The following LPIN1 variants were observed in gnomAD, a reference collection of about 807,000 sequenced individuals.
The protein encoded by LPIN1 is lipin 1, also known as phosphatidate phosphatase LPIN1.
A neutral mutation model predicts 107.5 loss-of-function variants in LPIN1; 71 were observed. That is an observed-to-expected ratio of 0.66 (90% CI 0.55 to 0.80). LPIN1 has a LOEUF of 0.80. Ranked by LOEUF, LPIN1 falls within the 30% of genes least tolerant of loss-of-function variation. LPIN1 has a pLI of 0.00. For synonymous variants in LPIN1, 445 were observed against 452.6 expected (o/e 0.98, Z 0.21); for missense variants, 1,043 against 1,160.6 (o/e 0.90, Z 1.47).
upstream of LPIN1, among the ~76,000 whole-genome samples, chr2:11,719,428 C>G (rs1018431375): frequency 6.6e-6 from 1 of 152,182 alleles, no homozygotes; most frequent in Non-Finnish European, 1.5e-5. Context: ...CAGATGGGCC[C>G]CTCCCTCACT....
intron 1 of LPIN1, among the ~76,000 whole-genome samples, chr2:11,698,862 C>T (rs1485203100): frequency 6.6e-6 from 1 of 152,220 alleles, no homozygotes; most frequent in Non-Finnish European, 1.5e-5. Context: ...CTTGGGCCCA[C>T]TGCCTGAGCT....
chr2:11,737,031 G>T (rs1572477217), intron 1 of LPIN1, among the ~76,000 whole-genome samples: 1 of 152,242 alleles, frequency 6.6e-6, no homozygotes, highest in African/African-American at 2.4e-5. Context: ...TTATAGGGAA[G>T]TGGACCAGGA....
At position 11,765,022 on chromosome 2, in the gene LPIN1, G is replaced by A. The variant is rs961867278; in HGVS notation, c.-9-511G>A. Among the ~76,000 whole-genome samples, 1 of 152,214 alleles carries A rather than the reference G, an allele frequency of 6.6e-6. No homozygotes were observed. The highest frequency in any genetic ancestry group is 1.5e-5 in the Non-Finnish European group (1 of 68,036). On this transcript the variant is annotated intron_variant, in intron 1 of 20. Transcript: ENST00000674199. This position sits in a 1 kb window ranked among gnomAD's most constrained non-coding sequence, Gnocchi z 4.4. Reference sequence around the variant, plus strand: ...GCTGTGGGAGTTGGGGTGATAGGCCGTGATGGGCCATGATGGGCTGTGATG... The same window carrying A: ...GCTGTGGGAGTTGGGGTGATAGGCCATGATGGGCCATGATGGGCTGTGATG...
At chr2:11,762,028 A>G (rs1453524409) in intron 1 of LPIN1, among the ~76,000 whole-genome samples, 1 of 151,570 alleles carries the variant, frequency 6.6e-6, no homozygotes, top group African/African-American at 2.4e-5. Context: ...GCTGTCCCTC[A>G]CTTCAGATGC....
chr2:11,808,409 CT>C (rs140382245), intron 17 of LPIN1, among the ~76,000 whole-genome samples: 1 of 152,300 alleles, frequency 6.6e-6, no homozygotes, highest in East Asian at 1.9e-4. Context: ...TCCCATCATA[CT>C]TTTGAATCTG....
At chr2:11,686,993 CT>C (rs141927239) in intron 1 of LPIN1, among the ~76,000 whole-genome samples, 293 of 85,134 alleles carry the variant, frequency 3.4e-3, no homozygotes, top group Admixed American at 5.7e-3. Flanking sequence ...GCTTTTGATC[CT>C]TTTTTTTTTT....
At chr2:11,702,517 G>A (rs1483283664) in intron 1 of LPIN1, among the ~76,000 whole-genome samples, 1 of 152,194 alleles carries the variant, frequency 6.6e-6, no homozygotes, top group African/African-American at 2.4e-5. Flanking sequence ...ATCAAAATAC[G>A]GGAGGTAAAA....
chr2:11,783,782 C>A, intron 8 of LPIN1, 47 bp from the exon 9 acceptor site: 1 of 1,476,100 alleles, frequency 6.8e-7, no homozygotes, highest in Non-Finnish European at 9.5e-7. Flanking sequence ...GCCATGAGCT[C>A]ATTTCTAGAA....
At position 11,786,845 on chromosome 2, in the gene LPIN1, G is replaced by A. The variant is rs559122982; in HGVS notation, c.1550-229G>A. On this transcript the variant is annotated intron_variant, in intron 10 of 20. Transcript: ENST00000674199. The surrounding 1 kb of genome is among the most constrained non-coding windows in gnomAD (Gnocchi z 4.1). Reference sequence around the variant, plus strand: ...CGTATGTGCCTCAACTAAGGTACACGTCCCCCAACATCCTCAGCCTTGCCC... The same window carrying A: ...CGTATGTGCCTCAACTAAGGTACACATCCCCCAACATCCTCAGCCTTGCCC... Among the ~76,000 whole-genome samples the A allele has an allele frequency of 3.9e-5, 6 of 152,326 alleles. No homozygotes were observed. In the South Asian group the frequency reaches 1.2e-3, roughly 32 times the overall value.
At chr2:11,795,564 G>A (rs1443929678) in intron 14 of LPIN1, 77 bp downstream of exon 14, 31 of 1,296,370 alleles carry the variant, frequency 2.4e-5, no homozygotes. Flanking sequence ...CCTGGATGCA[G>A]ATAGGGTTCA....
At position 11,771,673 on chromosome 2, in the gene LPIN1, G is replaced by A. The variant is rs1337824674; in HGVS notation, c.590G>A (p.Ser197Asn). 1.3e-6 allele frequency: 2 copies of A among 1,588,434 alleles called. No homozygotes were observed. Among genetic ancestry groups the A allele is most frequent in the East Asian group, 4.5e-5 (2 of 44,196 alleles). Residue 197 changes from serine to asparagine, a missense_variant, in exon 4 of 21, where the codon AGC (serine) becomes AAC (asparagine). By Grantham distance (46) the Ser-to-Asn change is conservative. Transcript: ENST00000674199. This position sits in a 1 kb window ranked among gnomAD's most constrained non-coding sequence, Gnocchi z 4.8. ...GATGAGGCCATGGAGCTGCTGGAGA[G>A]CAGCAGGTAATAACTGTCCAGGGTG... ...SSDEAMELLE[S>N]SRTLPNDIPP...
chr2:11,774,979 AAAG>A lies in LPIN1; in HGVS notation c.723-1105_723-1103del, dbSNP rs1672434987. On this transcript the variant is annotated intron_variant, in intron 5 of 20. Transcript: ENST00000674199. The surrounding 1 kb of genome is among the most constrained non-coding windows in gnomAD (Gnocchi z 4.4). ...TTTTTAAAAAGTAAAAAAAAAAAAA[AAAG>A]ATGAAATTAATTTTAAAGCTATATT... Among the ~76,000 whole-genome samples the A allele has an allele frequency of 1.3e-5, 2 of 152,306 alleles. No homozygotes were observed. The highest frequency in any genetic ancestry group is 2.4e-5 in the African/African-American group (1 of 41,558).
chr2:11,761,399 A>G (rs1317663944), intron 1 of LPIN1, among the ~76,000 whole-genome samples: 1 of 152,192 alleles, frequency 6.6e-6, no homozygotes, highest in Non-Finnish European at 1.5e-5. Flanking sequence ...AGGACAGATC[A>G]AGGGGGAGCT....
chr2:11,803,003 G>A lies in LPIN1; in HGVS notation c.1983G>A (p.Lys661=), dbSNP rs1182555127. Residue 661 remains lysine (K), a synonymous_variant, in exon 15 of 21, where the codon AAG becomes AAA. Coordinates refer to ENST00000674199, the MANE Select transcript of LPIN1 (RefSeq NM_001349206.2). The surrounding 1 kb of genome is among the most constrained non-coding windows in gnomAD (Gnocchi z 4.2). ...CTCTTCTGCCTAATGTCAGCTACAA[G>A]AAGACTCTCCGGCTGACTTCCGAGC... ...HLPLLPNVSY[K]KTLRLTSEQL... The A allele has an allele frequency of 1.9e-6, 3 of 1,612,930 alleles. No individual in the cohort carries two copies. The highest frequency in any genetic ancestry group is 2.5e-6 in the Non-Finnish European group (3 of 1,180,036).
intron 1 of LPIN1, among the ~76,000 whole-genome samples, chr2:11,732,879 TTC>T (rs1230955135): frequency 4.0e-5 from 6 of 149,450 alleles, no homozygotes; most frequent in Non-Finnish European, 7.4e-5. Flanking sequence ...AAGTGTCCAT[TTC>T]TCTCTCTCTC....
At chr2:11,715,935 C>A (rs1663711393) in intron 2 of LPIN1, among the ~76,000 whole-genome samples, 2 of 152,148 alleles carry the variant, frequency 1.3e-5, no homozygotes, top group South Asian at 4.1e-4. Flanking sequence ...CCCAAGCAGG[C>A]AATGTCCCCT....
chr2:11,692,290 A>T (rs565413837), intron 1 of LPIN1, among the ~76,000 whole-genome samples: 19,159 of 151,334 alleles, frequency 0.13, 3,543 homozygotes, highest in African/African-American at 0.41. Flanking sequence ...TTGCCTTGGC[A>T]CATACTTGGC....
At chr2:11,747,455 C>T (rs1343221010) in intron 1 of LPIN1, among the ~76,000 whole-genome samples, 5 of 152,206 alleles carry the variant, frequency 3.3e-5, no homozygotes, top group Non-Finnish European at 7.3e-5. Flanking sequence ...CAGATGTCAA[C>T]CCTGTTTTTG....
chr2:11,685,455 TG>T (rs1285768431), intron 1 of LPIN1, among the ~76,000 whole-genome samples: 1 of 152,132 alleles, frequency 6.6e-6, no homozygotes, highest in Non-Finnish European at 1.5e-5. Flanking sequence ...TGGGAGGGGA[TG>T]GTGGTTTGAA....
Sources: allele counts gnomAD v4.1 joint callset (sites outside exome capture counted in the v4.1 genomes callset), GRCh38; gene constraint gnomAD v4.1.1; non-coding constraint Gnocchi (gnomAD v3.1); transcripts MANE v1.5; gene names NCBI Gene and HGNC (gene_info 2026-07-23, HGNC 2026-07-21).